Variants in ERBB4 observed in about 807,000 individuals in gnomAD.
ERBB4 encodes erb-b2 receptor tyrosine kinase 4, also known as receptor tyrosine-protein kinase erbB-4.
In ERBB4, 42 loss-of-function variants were observed where a neutral mutation model predicts 158.0. That is an observed-to-expected ratio of 0.27 (90% CI 0.21 to 0.34). The LOEUF is 0.34. Ranked by LOEUF, ERBB4 falls within the 10% of genes least tolerant of loss-of-function variation. The pLI, the probability that ERBB4 is intolerant of heterozygous loss-of-function variation, is 1.00. For synonymous variants in ERBB4, 583 were observed against 558.7 expected (o/e 1.04, Z -0.61); for missense variants, 1,333 against 1,624.1 (o/e 0.82, Z 3.08).
At chr2:212,059,339 T>C (rs1377546966) in intron 2 of ERBB4, among the ~76,000 whole-genome samples, 3 of 152,140 alleles carry the variant, frequency 2.0e-5, no homozygotes, top group Admixed American at 2.0e-4. Flanking sequence ...ATAGGAAGAA[T>C]CAATATTATG....
chr2:211,713,498 G>T (rs1348781367), intron 8 of ERBB4, 37 bp downstream of exon 8: 6 of 1,248,578 alleles, frequency 4.8e-6, no homozygotes, highest in Non-Finnish European at 7.1e-6. Context: ...TGTTATATAG[G>T]CCCAGTTCTA....
intron 1 of ERBB4, among the ~76,000 whole-genome samples, chr2:212,314,592 A>AT (rs967223555): frequency 3.0e-4 from 46 of 151,114 alleles, no homozygotes; most frequent in African/African-American, 8.2e-4. Context: ...TATTTTGGTG[A>AT]TTTTTTTTAA....
chr2:212,322,704 C>G (rs1363584732), intron 1 of ERBB4, among the ~76,000 whole-genome samples: 1 of 150,210 alleles, frequency 6.7e-6, no homozygotes. Context: ...AGCCAGTAAT[C>G]AGAGAAGTGG....
chr2:212,165,877 C>T (rs967953791), intron 1 of ERBB4, among the ~76,000 whole-genome samples: 2 of 152,012 alleles, frequency 1.3e-5, no homozygotes, highest in African/African-American at 2.4e-5. Context: ...AAACTAAATT[C>T]TTCTATTATT....
At chr2:212,034,713 C>A (rs559634603) in intron 2 of ERBB4, among the ~76,000 whole-genome samples, 1 of 151,980 alleles carries the variant, frequency 6.6e-6, no homozygotes, top group Non-Finnish European at 1.5e-5. Context: ...CTTTTTTATC[C>A]ATATAGTCAA....
At chr2:211,880,736 T>C (rs978928918) in intron 3 of ERBB4, among the ~76,000 whole-genome samples, 3 of 152,078 alleles carry the variant, frequency 2.0e-5, no homozygotes, top group Admixed American at 6.6e-5. Context: ...GGTGAAATCA[T>C]TGATGCTTTA....
chr2:211,664,646 A>G (rs1422740657), intron 15 of ERBB4, among the ~76,000 whole-genome samples: 2 of 152,146 alleles, frequency 1.3e-5, no homozygotes, highest in Non-Finnish European at 2.9e-5. Flanking sequence ...ACTGTTATCA[A>G]TATCAAAGGT....
intron 1 of ERBB4, among the ~76,000 whole-genome samples, chr2:212,262,617 T>G (rs1283165057): frequency 6.6e-6 from 1 of 152,154 alleles, no homozygotes; most frequent in African/African-American, 2.4e-5. Flanking sequence ...CGTCTCACAG[T>G]GGATATGGCT....
At chr2:211,509,845 A>G (rs1206029992) in intron 20 of ERBB4, among the ~76,000 whole-genome samples, 2 of 152,114 alleles carry the variant, frequency 1.3e-5, no homozygotes, top group African/African-American at 4.8e-5. Context: ...TGAAAAAATG[A>G]CCAACATCAC....
At chr2:211,490,555 T>C (rs1239528652) in intron 20 of ERBB4, among the ~76,000 whole-genome samples, 1 of 151,956 alleles carries the variant, frequency 6.6e-6, no homozygotes, top group Non-Finnish European at 1.5e-5. Context: ...AACTCACCTA[T>C]TGTAAATCAT....
At chr2:211,641,299 A>G (rs766983785) in intron 16 of ERBB4, among the ~76,000 whole-genome samples, 5 of 152,058 alleles carry the variant, frequency 3.3e-5, no homozygotes, top group South Asian at 4.1e-4. Context: ...CTGATAGACT[A>G]TATCATTTTA....
chr2:211,652,862 GCTAA>G (rs942690844), intron 16 of ERBB4, among the ~76,000 whole-genome samples: 5 of 152,210 alleles, frequency 3.3e-5, no homozygotes, highest in Middle Eastern at 3.4e-3. Context: ...CACATGGACT[GCTAA>G]CTAACACAAA....
chr2:212,412,734 G>A (rs1441239904), intron 1 of ERBB4, among the ~76,000 whole-genome samples: 1 of 152,146 alleles, frequency 6.6e-6, no homozygotes, highest in African/African-American at 2.4e-5. Context: ...GATCTCAGCT[G>A]AGACTTCCAT....
intron 1 of ERBB4, among the ~76,000 whole-genome samples, chr2:212,130,072 T>G (rs570040651): frequency 6.6e-6 from 1 of 152,238 alleles, no homozygotes; most frequent in African/African-American, 2.4e-5. Flanking sequence ...AGACAACGCT[T>G]AAACCATCAA....
chr2:212,315,044 G>C (rs1183250858), intron 1 of ERBB4, among the ~76,000 whole-genome samples: 1 of 151,222 alleles, frequency 6.6e-6, no homozygotes, highest in Non-Finnish European at 1.5e-5. Context: ...GAGGGAACAG[G>C]AGCTTTGAGC....
chr2:211,687,260 G>T lies in ERBB4; in HGVS notation c.1490-8076C>A, dbSNP rs559398202. 1.6e-4 allele frequency among the ~76,000 whole-genome samples: 24 copies of T among 145,726 alleles called. No individual in the cohort carries two copies. In the South Asian group the frequency reaches 2.8e-3, roughly 17 times the overall value. On this transcript the variant is annotated intron_variant, in intron 12 of 27. Transcript: ENST00000342788. ...GCGGAGCTTGCAGTGAGCCGAGATCGCACCACTGCACTCCAGCCTGGGTGA... is the reference window on the plus strand; with the variant it reads ...GCGGAGCTTGCAGTGAGCCGAGATCTCACCACTGCACTCCAGCCTGGGTGA...
chr2:211,744,514 G>A (rs1211041788), intron 5 of ERBB4, among the ~76,000 whole-genome samples: 1 of 152,182 alleles, frequency 6.6e-6, no homozygotes, highest in African/African-American at 2.4e-5. Context: ...GAAGCTCACT[G>A]TTGTTGTGAC....
chr2:211,460,476 T>C (rs926592292), intron 20 of ERBB4, among the ~76,000 whole-genome samples: 13 of 152,160 alleles, frequency 8.5e-5, no homozygotes, highest in Admixed American at 3.3e-4. Flanking sequence ...CATAATTAAT[T>C]CAAAGTTGAA....
intron 1 of ERBB4, among the ~76,000 whole-genome samples, chr2:212,212,684 T>C (rs2082974616): frequency 6.6e-6 from 1 of 152,068 alleles, no homozygotes; most frequent in Admixed American, 6.6e-5. Context: ...AAGGCTACAG[T>C]AACCAAAACA....
Sources: allele counts gnomAD v4.1 joint callset (sites outside exome capture counted in the v4.1 genomes callset), GRCh38; gene constraint gnomAD v4.1.1; transcripts MANE v1.5; gene names NCBI Gene and HGNC (gene_info 2026-07-23, HGNC 2026-07-21).